Variants in ADAMTSL1 observed in about 807,000 individuals in gnomAD.
ADAMTSL1 encodes ADAMTS-like protein 1.
A neutral mutation model predicts 201.8 loss-of-function variants in ADAMTSL1; 126 were observed. The ratio of observed to expected loss-of-function variants is 0.62; its 90% CI spans 0.54 to 0.72. The LOEUF is 0.72. Among genes scored for constraint, ADAMTSL1 ranks in the 30% least tolerant of loss-of-function variants. ADAMTSL1 has a pLI of 0.00. For synonymous variants in ADAMTSL1, 1,121 were observed against 903.4 expected (o/e 1.24, Z -4.32); for missense variants, 2,679 against 2,277.8 (o/e 1.18, Z -3.59).
intron 23 of ADAMTSL1, among the ~76,000 whole-genome samples, chr9:18,865,197 C>G (rs532996362): frequency 2.5e-4 from 38 of 152,226 alleles, no homozygotes; most frequent in Non-Finnish European, 4.6e-4. Context: ...CCGCTCCCCC[C>G]ACCCCACAAT....
intron 1 of ADAMTSL1, among the ~76,000 whole-genome samples, chr9:18,098,310 G>T (rs1019287922): frequency 1.3e-5 from 2 of 151,884 alleles, no homozygotes; most frequent in African/African-American, 4.8e-5. Context: ...TCCATATAAG[G>T]TTTATAATCA....
intron 2 of ADAMTSL1, among the ~76,000 whole-genome samples, chr9:18,283,482 T>A (rs1273475512): frequency 6.6e-6 from 1 of 151,730 alleles, no homozygotes; most frequent in Non-Finnish European, 1.5e-5. Flanking sequence ...GGTACACACC[T>A]GTAGTCACAG....
intron 23 of ADAMTSL1, among the ~76,000 whole-genome samples, chr9:18,862,725 G>A (rs1222526965): frequency 1.3e-5 from 2 of 152,138 alleles, no homozygotes; most frequent in Non-Finnish European, 1.5e-5. Flanking sequence ...CTCATCTGTG[G>A]ATTGAAATTA....
intron 9 of ADAMTSL1, among the ~76,000 whole-genome samples, chr9:18,666,729 C>T (rs1829458986): frequency 6.6e-6 from 1 of 152,106 alleles, no homozygotes; most frequent in African/African-American, 2.4e-5. Flanking sequence ...GGCCAGAAAG[C>T]CTCAAAGTAT....
At chr9:17,967,089 A>G (rs1454826350) in intron 1 of ADAMTSL1, among the ~76,000 whole-genome samples, 1 of 152,086 alleles carries the variant, frequency 6.6e-6, no homozygotes, top group Non-Finnish European at 1.5e-5. Flanking sequence ...ACTATTTCAG[A>G]ACCTATATAA....
chr9:18,243,287 T>C (rs1467530829), intron 2 of ADAMTSL1, among the ~76,000 whole-genome samples: 1 of 152,130 alleles, frequency 6.6e-6, no homozygotes, highest in Non-Finnish European at 1.5e-5. Context: ...TCCTTCTCTC[T>C]TGTAATTCTT....
At chr9:18,336,352 A>G (rs1835242054) in intron 2 of ADAMTSL1, among the ~76,000 whole-genome samples, 1 of 151,868 alleles carries the variant, frequency 6.6e-6, no homozygotes, top group Non-Finnish European at 1.5e-5. Flanking sequence ...TTCTACTTAA[A>G]GAAGGACTAT....
At chr9:18,260,997 C>CT (rs1831897363) in intron 2 of ADAMTSL1, among the ~76,000 whole-genome samples, 2 of 134,242 alleles carry the variant, frequency 1.5e-5, no homozygotes, top group African/African-American at 5.6e-5. Flanking sequence ...TAAATCTCCT[C>CT]TTTTTTTCCT....
At chr9:18,669,329 A>G (rs1172115671) in intron 9 of ADAMTSL1, among the ~76,000 whole-genome samples, 1 of 152,270 alleles carries the variant, frequency 6.6e-6, no homozygotes, top group Non-Finnish European at 1.5e-5. Context: ...CAGAAATTAC[A>G]TTCATTAATA....
At chr9:18,648,953 A>C (rs367802408) in intron 7 of ADAMTSL1, among the ~76,000 whole-genome samples, 2 of 152,276 alleles carry the variant, frequency 1.3e-5, no homozygotes, top group African/African-American at 4.8e-5. Flanking sequence ...AGATTGGGGA[A>C]GTTCTCCTGG....
chr9:18,013,734 C>G (rs1563949039), intron 1 of ADAMTSL1, among the ~76,000 whole-genome samples: 1 of 151,964 alleles, frequency 6.6e-6, no homozygotes, highest in Non-Finnish European at 1.5e-5. Context: ...AGATGCCATA[C>G]CTCTGTTAGT....
At chr9:18,577,532 G>A (rs1237353921) in intron 4 of ADAMTSL1, among the ~76,000 whole-genome samples, 2 of 152,024 alleles carry the variant, frequency 1.3e-5, no homozygotes, top group Non-Finnish European at 2.9e-5. Context: ...CCTCTTTAAC[G>A]AGCTGTGTAA....
chr9:18,248,660 C>T (rs1171976398), intron 2 of ADAMTSL1, among the ~76,000 whole-genome samples: 1 of 152,148 alleles, frequency 6.6e-6, no homozygotes, highest in Non-Finnish European at 1.5e-5. Flanking sequence ...GATTCTTCCA[C>T]GTGCCGTTCA....
chr9:18,498,721 C>T (rs1822669221), intron 1 of ADAMTSL1, among the ~76,000 whole-genome samples: 1 of 152,172 alleles, frequency 6.6e-6, no homozygotes, highest in African/African-American at 2.4e-5. Context: ...CTAGGAAAGT[C>T]CGTCTCACTC....
chr9:18,234,659 CTG>C (rs1290817074), intron 2 of ADAMTSL1, among the ~76,000 whole-genome samples: 1 of 152,098 alleles, frequency 6.6e-6, no homozygotes, highest in Non-Finnish European at 1.5e-5. Flanking sequence ...TAACATTTAA[CTG>C]AGCTAGAATT....
chr9:18,550,101 C>G (rs918573801), intron 3 of ADAMTSL1, among the ~76,000 whole-genome samples: 1 of 151,902 alleles, frequency 6.6e-6, no homozygotes. Flanking sequence ...AACCAAAGAG[C>G]TTTTGGAGAT....
At chr9:17,942,915 C>T (rs1414845656) in intron 1 of ADAMTSL1, among the ~76,000 whole-genome samples, 1 of 152,022 alleles carries the variant, frequency 6.6e-6, no homozygotes, top group Admixed American at 6.6e-5. Context: ...TACAATGTAA[C>T]TTCTTTTTTT....
rs113130831 is a variant in ADAMTSL1 at position 18,887,962 on chromosome 9, G to C, written c.4381G>C (p.Gly1461Arg). ...GATCCTTCAAGTTGCAAACCTTAGC[G>C]GTGGGTCTCAAGGGGAATTCAGCTG... ...GQILQVANLS[G>R]GSQGEFSCLA... Residue 1461 changes from glycine to arginine, a missense_variant, in exon 24 of 29, where the codon GGT (glycine) becomes CGT (arginine). Gly to Arg is a moderately radical substitution (Grantham distance 125, BLOSUM62 -2). Transcript: ENST00000380548. The C allele has an allele frequency of 2.5e-6, 4 of 1,613,954 alleles. No individual in the cohort carries two copies. The highest frequency in any genetic ancestry group is 2.2e-5 in the East Asian group (1 of 44,886).
At chr9:18,838,082 A>G (rs1176770816) in intron 23 of ADAMTSL1, among the ~76,000 whole-genome samples, 1 of 152,118 alleles carries the variant, frequency 6.6e-6, no homozygotes, top group Non-Finnish European at 1.5e-5. Context: ...TTACAGTTCC[A>G]CATGGCTGGG....
Sources: allele counts gnomAD v4.1 joint callset (sites outside exome capture counted in the v4.1 genomes callset), GRCh38; gene constraint gnomAD v4.1.1; transcripts MANE v1.5; gene names NCBI Gene and HGNC (gene_info 2026-07-23, HGNC 2026-07-21).